ITFG1: variants seen among roughly 807,000 people sequenced by gnomAD.
ITFG1 encodes T-cell immunomodulatory protein.
ITFG1 carries 34 observed loss-of-function variants against 81.8 expected under a neutral mutation model. The ratio of observed to expected loss-of-function variants is 0.42; its 90% CI spans 0.32 to 0.55. The LOEUF is 0.55. Among genes scored for constraint, ITFG1 ranks in the 20% least tolerant of loss-of-function variants. The pLI, the probability that ITFG1 is intolerant of heterozygous loss-of-function variation, is 0.17. For synonymous variants in ITFG1, 285 were observed against 270.6 expected, an observed-to-expected ratio of 1.05 and a Z score of -0.52; for missense variants, 672 against 755.4, an observed-to-expected ratio of 0.89 and a Z score of 1.29.
intron 7 of ITFG1, among the ~76,000 whole-genome samples, chr16:47,372,455 C>CT (rs894738202): frequency 0.019 from 2,726 of 143,148 alleles, 74 homozygotes; most frequent in African/African-American, 0.06. Flanking sequence ...CTATTTCTCT[C>CT]TTTTTTTTTT....
chr16:47,383,631 C>A (rs1308641992), intron 6 of ITFG1, among the ~76,000 whole-genome samples: 1 of 152,234 alleles, frequency 6.6e-6, no homozygotes, highest in Non-Finnish European at 1.5e-5. Flanking sequence ...CTGGGCCGGG[C>A]ATGGTGGCAC....
chr16:47,341,531 A>C (rs1967784787), intron 8 of ITFG1, among the ~76,000 whole-genome samples: 1 of 151,912 alleles, frequency 6.6e-6, no homozygotes, highest in African/African-American at 2.4e-5. Context: ...GCTTTAGAAG[A>C]AAAAAGATCT....
chr16:47,180,076 A>C (rs566184532), intron 14 of ITFG1, among the ~76,000 whole-genome samples: 3 of 152,288 alleles, frequency 2.0e-5, no homozygotes, highest in South Asian at 4.1e-4. Context: ...CAGTCTAGGT[A>C]ATTATTCATT....
intron 10 of ITFG1, among the ~76,000 whole-genome samples, chr16:47,292,211 A>C (rs1966915780): frequency 6.6e-6 from 1 of 151,978 alleles, no homozygotes; most frequent in African/African-American, 2.4e-5. Flanking sequence ...ATCGGGTTTC[A>C]CCATGTTGAC....
chr16:47,439,734 C>G (rs1454266527), intron 5 of ITFG1, among the ~76,000 whole-genome samples: 1 of 152,140 alleles, frequency 6.6e-6, no homozygotes, highest in African/African-American at 2.4e-5. Flanking sequence ...CAAAAACAAG[C>G]CAAACTGTAA....
At chr16:47,401,461 A>C (rs975905725) in intron 6 of ITFG1, among the ~76,000 whole-genome samples, 1 of 152,194 alleles carries the variant, frequency 6.6e-6, no homozygotes, top group Non-Finnish European at 1.5e-5. Context: ...AAAAGGGCTG[A>C]GTACAAAATC....
At chr16:47,451,879 C>G (rs192919391) in intron 4 of ITFG1, among the ~76,000 whole-genome samples, 1 of 152,294 alleles carries the variant, frequency 6.6e-6, no homozygotes, top group Non-Finnish European at 1.5e-5. Flanking sequence ...TTTGCATTAT[C>G]TAGACTACCC....
intron 6 of ITFG1, among the ~76,000 whole-genome samples, chr16:47,383,778 C>T (rs1968425143): frequency 6.6e-6 from 1 of 152,186 alleles, no homozygotes; most frequent in Non-Finnish European, 1.5e-5. Flanking sequence ...GTGGCGCATG[C>T]CTGTAATCCC....
chr16:47,154,936 C>G lies in ITFG1; in HGVS notation c.*783G>C, dbSNP rs1567408023. ...TTCATGCCTGAAAATAAAATTCTATCAAGTCTATGTATTTCTATAATTAGA... is the reference window on the plus strand; with the variant it reads ...TTCATGCCTGAAAATAAAATTCTATGAAGTCTATGTATTTCTATAATTAGA... On this transcript the variant is annotated 3_prime_UTR_variant, in exon 18 of 18. Coordinates refer to ENST00000320640, the MANE Select transcript of ITFG1 (RefSeq NM_030790.5). 1.3e-5 allele frequency: 2 copies of G among 152,140 alleles called. No homozygotes were observed. Among genetic ancestry groups the G allele is most frequent in the Non-Finnish European group, 1.5e-5 (1 of 68,020 alleles). The allele number at this position is 152,140 out of a possible 1,614,324, so 9.4% of individuals were successfully genotyped here.
chr16:47,350,682 G>GA (rs985623453), intron 8 of ITFG1, among the ~76,000 whole-genome samples: 4 of 152,118 alleles, frequency 2.6e-5, no homozygotes, highest in Non-Finnish European at 4.4e-5. Context: ...CCAATCAATA[G>GA]AAAAAGAGGG....
chr16:47,342,473 A>G (rs1389258576), intron 8 of ITFG1, among the ~76,000 whole-genome samples: 1 of 152,152 alleles, frequency 6.6e-6, no homozygotes, highest in Non-Finnish European at 1.5e-5. Context: ...AAGCACTGCT[A>G]TTCAACATAC....
chr16:47,307,112 A>C (rs1389617118), intron 10 of ITFG1, among the ~76,000 whole-genome samples: 1 of 147,610 alleles, frequency 6.8e-6, no homozygotes, highest in African/African-American at 2.5e-5. Flanking sequence ...AAAAAAAAAA[A>C]AAAAAAAAAA....
rs1967751972 is a variant in ITFG1, at chr16:47,339,464, G to A, written c.803-25641C>T. 1.3e-5 allele frequency among the ~76,000 whole-genome samples: 2 copies of A among 152,060 alleles called. 1 individual carries two copies. Among genetic ancestry groups the A allele is most frequent in the African/African-American group, 4.8e-5 (2 of 41,400 alleles). ...TGTTCAAAGGGCTAAAGAAAATATA[G>A]GCAAGTAGCTAATAGAAATCAGGAA... is the stretch of plus-strand genomic sequence containing the variant. On this transcript the variant is annotated intron_variant, in intron 8 of 17. Transcript: ENST00000320640.
chr16:47,236,170 G>A (rs1052573504), intron 13 of ITFG1, among the ~76,000 whole-genome samples: 2 of 152,140 alleles, frequency 1.3e-5, no homozygotes, highest in Non-Finnish European at 2.9e-5. Context: ...GAAGCCTTAT[G>A]GATCTTAGAA....
intron 8 of ITFG1, among the ~76,000 whole-genome samples, chr16:47,322,258 G>A (rs559320294): frequency 1.3e-5 from 2 of 152,246 alleles, no homozygotes; most frequent in Non-Finnish European, 2.9e-5. Context: ...ACATAGTAAC[G>A]CTGGAAAGTG....
At chr16:47,157,143 G>C (rs1964724639) in intron 17 of ITFG1, among the ~76,000 whole-genome samples, 2 of 152,148 alleles carry the variant, frequency 1.3e-5, no homozygotes, top group African/African-American at 4.8e-5. Context: ...GCTTTAGAAT[G>C]CTGGTTTTGA....
chr16:47,423,833 C>T (rs1274195881), intron 6 of ITFG1, among the ~76,000 whole-genome samples: 1 of 152,128 alleles, frequency 6.6e-6, no homozygotes, highest in Non-Finnish European at 1.5e-5. Flanking sequence ...GTGGGTAACC[C>T]GACCTTTCTC....
chr16:47,331,484 T>C (rs915431449), intron 8 of ITFG1, among the ~76,000 whole-genome samples: 1 of 152,006 alleles, frequency 6.6e-6, no homozygotes, highest in African/African-American at 2.4e-5. Context: ...TAAACTAAAA[T>C]TAACAATTAA....
intron 8 of ITFG1, among the ~76,000 whole-genome samples, chr16:47,327,446 A>C (rs1567461673): frequency 6.6e-6 from 1 of 152,230 alleles, no homozygotes; most frequent in Non-Finnish European, 1.5e-5. Flanking sequence ...CACCAAAAGC[A>C]ATGGCAACAA....
Sources: allele counts gnomAD v4.1 joint callset (sites outside exome capture counted in the v4.1 genomes callset), GRCh38; gene constraint gnomAD v4.1.1; transcripts MANE v1.5; gene names NCBI Gene and HGNC (gene_info 2026-07-23, HGNC 2026-07-21).